CBLIF: variants seen among roughly 807,000 people sequenced by gnomAD.
CBLIF encodes cobalamin binding intrinsic factor.
In CBLIF, 24 loss-of-function variants were observed where a neutral mutation model predicts 44.9. The ratio of observed to expected loss-of-function variants is 0.53; its 90% CI spans 0.39 to 0.75. The LOEUF (loss-of-function observed/expected upper bound fraction) is 0.75. Ranked by LOEUF, CBLIF falls within the 30% of genes least tolerant of loss-of-function variation. The pLI, the probability that CBLIF is intolerant of heterozygous loss-of-function variation, is 0.00. For missense variants in CBLIF, 481 were observed against 513.0 expected (o/e 0.94, Z 0.60); for synonymous variants, 183 against 190.9 (o/e 0.96, Z 0.34).
At chr11:59,844,771 G>A (rs1400315393) in intron 1 of CBLIF, among the ~76,000 whole-genome samples, 1 of 152,044 alleles carries the variant, frequency 6.6e-6, no homozygotes, top group Non-Finnish European at 1.5e-5. Flanking sequence ...AGTGGTGTCT[G>A]GTCACAATAG....
At chr11:59,835,028 C>T (rs1268194783) in intron 7 of CBLIF, among the ~76,000 whole-genome samples, 2 of 152,154 alleles carry the variant, frequency 1.3e-5, no homozygotes, top group African/African-American at 4.8e-5. Flanking sequence ...TCTCCTGAAC[C>T]TGGTATTTCA....
chr11:59,834,395 G>GTTT (rs367748738), intron 7 of CBLIF, among the ~76,000 whole-genome samples: 2 of 52,120 alleles, frequency 3.8e-5, no homozygotes, highest in Non-Finnish European at 4.4e-5. Flanking sequence ...CCTTTTTTTT[G>GTTT]TTTTTTTTTT....
Position 59,843,081 on chromosome 11 carries a change from G to C in CBLIF, c.317C>G (p.Pro106Arg). Residue 106 changes from proline to arginine, a missense_variant, in exon 3 of 9, where the codon CCT becomes CGT. Physicochemically the swap from Pro to Arg is moderately radical, Grantham distance 103 (BLOSUM62 -2). Transcript: ENST00000257248. ...IMALTSSCRD[P>R]GDKVSILQRQ... The stretch of plus-strand genomic sequence containing the variant: ...TTGTAGAATGGATACTTTATCCCCA[G>C]GGTCTCGGCAGGAGGAGGTGAGGGC... 3.1e-6 allele frequency: 5 copies of C among 1,613,854 alleles called. No homozygotes were observed. The highest frequency in any genetic ancestry group is 4.2e-6 in the Non-Finnish European group (5 of 1,179,780).
rs1002877562 is a variant in CBLIF, at chr11:59,841,299, A to G, written c.537T>C (p.Ala179=). Reference sequence around the variant, plus strand: ...GGATCTTGTTGTACATACAGGTCAGAGCCAAGGTTGCCATTGCTCCTGTGT... The same window carrying G: ...GGATCTTGTTGTACATACAGGTCAGGGCCAAGGTTGCCATTGCTCCTGTGT... ...NVDTGAMATL[A]LTCMYNKIPV... Residue 179 remains alanine, a synonymous_variant, in exon 5 of 9, where the codon GCT becomes GCC. Transcript: ENST00000257248. The G allele has an allele frequency of 3.3e-5, 54 of 1,613,778 alleles. No individual in the cohort carries two copies. Among genetic ancestry groups the G allele is most frequent in the Non-Finnish European group, 4.5e-5 (53 of 1,179,776 alleles).
At chr11:59,830,389 A>AC (rs1866358623) in intron 8 of CBLIF, among the ~76,000 whole-genome samples, 1 of 151,880 alleles carries the variant, frequency 6.6e-6, no homozygotes, top group East Asian at 1.9e-4. Context: ...GGCACCCGCC[A>AC]CCACGCCTGA....
Position 59,829,392 on chromosome 11 carries a change from G to A in CBLIF, c.*92C>T, listed in dbSNP as rs925181575. The stretch of plus-strand genomic sequence containing the variant: ...TACCAGGAATATGGTAGCATCACAG[G>A]CATTCGCTTTTTTGCATAGATTTAA... On this transcript the variant is annotated 3_prime_UTR_variant, in exon 9 of 9. Coordinates refer to ENST00000257248, the MANE Select transcript of CBLIF (RefSeq NM_005142.3). The A allele has an allele frequency of 1.1e-5, 9 of 801,346 alleles. No homozygotes were observed. The highest frequency in any genetic ancestry group is 2.0e-5 in the Non-Finnish European group (9 of 448,076). The allele number at this position is 801,346 out of a possible 1,614,324, so 49.6% of individuals were successfully genotyped here.
intron 4 of CBLIF, among the ~76,000 whole-genome samples, chr11:59,842,002 C>G (rs565963798): frequency 1.3e-5 from 2 of 152,076 alleles, no homozygotes; most frequent in Non-Finnish European, 1.5e-5. Context: ...GTTAGGGTTC[C>G]GAGAGTAGCT....
In CBLIF at chr11:59,841,333, G is replaced by A. The variant is rs1464312736; in HGVS notation, c.512-9C>T. On this transcript the variant is annotated splice_polypyrimidine_tract_variant and intron_variant, in intron 4 of 8. Transcript: ENST00000257248. ...TGCCATTGCTCCTGTGTCTGTGAAT[G>A]ACAGAGGGTATAAGATCACCATAGT... The A allele has an allele frequency of 6.2e-7, 1 of 1,600,464 alleles. No homozygotes were observed. Among genetic ancestry groups the A allele is most frequent in the African/African-American group, 1.3e-5 (1 of 74,762 alleles).
rs541253368 is a variant in CBLIF, at chr11:59,840,859, ATAAAT to A, written c.693+279_693+283del. The A allele has an allele frequency of 6.7e-3, 2,094 of 313,706 alleles. 6 individuals are homozygous for A. The highest frequency in any genetic ancestry group is 0.027 in the Middle Eastern group (26 of 966). The allele number at this position is 313,706 out of a possible 1,614,324, so 19.4% of individuals were successfully genotyped here. The stretch of plus-strand genomic sequence containing the variant: ...ACAAATAAACTGATCATTATTAATA[ATAAAT>A]TAATATATTTCTTGATTTATTTGTT... On this transcript the variant is annotated intron_variant, in intron 5 of 8. Coordinates refer to ENST00000257248, the MANE Select transcript of CBLIF (RefSeq NM_005142.3).
Position 59,843,014 on chromosome 11 carries a change from C to T in CBLIF, c.370+14G>A, listed in dbSNP as rs904825290. The T allele has an allele frequency of 4.9e-6, 7 of 1,422,924 alleles. No homozygotes were observed. Among genetic ancestry groups the T allele is most frequent in the East Asian group, 2.3e-5 (1 of 43,984 alleles). The allele number at this position is 1,422,924 out of a possible 1,614,324, so 88.1% of individuals were successfully genotyped here. A position where few individuals can be genotyped will look rare whatever the true frequency, so the allele number is the denominator to read the frequency against. On this transcript the variant is annotated intron_variant, in intron 3 of 8. Transcript: ENST00000257248. ...ATATGCCTGACTCTTTTCTCCCTTC[C>T]AGTCAGGTCTTACTGGAAGGTGCCC...
intron 5 of CBLIF, among the ~76,000 whole-genome samples, chr11:59,838,357 G>A (rs1866480695): frequency 1.3e-5 from 2 of 152,092 alleles, no homozygotes; most frequent in Non-Finnish European, 2.9e-5. Context: ...AAAGCATTTC[G>A]TGATGTGTGA....
Position 59,830,248 on chromosome 11 carries a change from T to G in CBLIF, c.1193-703A>C, listed in dbSNP as rs575290360. Reference sequence around the variant, plus strand: ...CAATTACTTTCTTTTTTTTTTTTTTTTTTTTTGAAACGGAGTCTCGCTCTG... The same window carrying G: ...CAATTACTTTCTTTTTTTTTTTTTTGTTTTTTGAAACGGAGTCTCGCTCTG... On this transcript the variant is annotated intron_variant, in intron 8 of 8. Coordinates refer to ENST00000257248, the MANE Select transcript of CBLIF (RefSeq NM_005142.3). 6.8e-4 allele frequency among the ~76,000 whole-genome samples: 102 copies of G among 149,998 alleles called. 2 individuals carry two copies. In the South Asian group the frequency reaches 0.02, roughly 29 times the overall value.
At chr11:59,836,543 T>A (rs1309001355) in intron 6 of CBLIF, among the ~76,000 whole-genome samples, 1 of 152,206 alleles carries the variant, frequency 6.6e-6, no homozygotes, top group African/African-American at 2.4e-5. Flanking sequence ...AATAAAGATA[T>A]TTTTAATTAA....
chr11:59,832,830 A>T (rs186941603), intron 7 of CBLIF, among the ~76,000 whole-genome samples: 1 of 152,320 alleles, frequency 6.6e-6, no homozygotes, highest in Non-Finnish European at 1.5e-5. Flanking sequence ...TGGGTAAATG[A>T]TTATATGAGT....
In CBLIF at chr11:59,831,811, A is replaced by G. The variant is rs1451256528; in HGVS notation, c.1074-15T>C. The G allele has an allele frequency of 8.2e-7, 1 of 1,212,786 alleles. No homozygotes were observed. The highest frequency in any genetic ancestry group is 2.3e-5 in the East Asian group (1 of 43,002). The allele number at this position is 1,212,786 out of a possible 1,614,324, so 75.1% of individuals were successfully genotyped here. On this transcript the variant is annotated splice_polypyrimidine_tract_variant and intron_variant, in intron 7 of 8. Coordinates refer to ENST00000257248, the MANE Select transcript of CBLIF (RefSeq NM_005142.3). ...TGGTTTCAAATCTAAAAAAAAGTTT[A>G]TATATGATTAACATCTCACTTTAGG...
intron 4 of CBLIF, 96 bp from the exon 5 acceptor site, chr11:59,841,420 G>T: frequency 1.1e-6 from 1 of 877,864 alleles, no homozygotes; most frequent in Non-Finnish European, 1.9e-6. Flanking sequence ...CTGGCTCCAT[G>T]ATTTTATTTG....
intron 7 of CBLIF, among the ~76,000 whole-genome samples, chr11:59,835,243 T>C (rs1271460461): frequency 6.6e-6 from 1 of 151,926 alleles, no homozygotes; most frequent in Non-Finnish European, 1.5e-5. Context: ...TCTCCCAGGT[T>C]CAAGCGATTC....
At chr11:59,845,130 T>C (rs554266579) in intron 1 of CBLIF, 88 of 504,970 alleles carry the variant, frequency 1.7e-4, no homozygotes, top group African/African-American at 1.7e-3. Flanking sequence ...CCCAAAGTGC[T>C]GGGATTACAG....
intron 7 of CBLIF, among the ~76,000 whole-genome samples, chr11:59,834,904 C>G (rs960035155): frequency 6.6e-6 from 1 of 152,188 alleles, no homozygotes; most frequent in Non-Finnish European, 1.5e-5. Context: ...TCACTTCACA[C>G]CTCCATTATT....
Sources: gnomAD v4.1 joint callset for allele counts (sites outside exome capture counted in the v4.1 genomes callset) on GRCh38, gnomAD v4.1.1 for gene constraint, MANE v1.5 for transcripts, NCBI Gene and HGNC (gene_info 2026-07-23, HGNC 2026-07-21) for gene names.